PHTF1: variants seen among roughly 807,000 people sequenced by gnomAD.
PHTF1 encodes protein PHTF1.
PHTF1 carries 88 observed loss-of-function variants against 102.4 expected under a neutral mutation model. The ratio of observed to expected loss-of-function variants is 0.86; its 90% CI spans 0.72 to 1.03. PHTF1 has a LOEUF of 1.03. Ranked by LOEUF, PHTF1 falls within the 50% of genes least tolerant of loss-of-function variation. The probability of loss-of-function intolerance (pLI) is 0.00; values close to 1 mark genes in which losing one functional copy is unlikely to be tolerated. For synonymous variants in PHTF1, 289 were observed against 305.2 expected, an observed-to-expected ratio of 0.95 and a Z score of 0.55; for missense variants, 814 against 909.5, an observed-to-expected ratio of 0.89 and a Z score of 1.35.
intron 11 of PHTF1, among the ~76,000 whole-genome samples, chr1:113,710,051 G>C (rs2101152113): frequency 6.6e-6 from 1 of 152,194 alleles, no homozygotes; most frequent in East Asian, 1.9e-4. Context: ...ATTTAGGTTA[G>C]GGCAACTCTA....
At chr1:113,731,047 A>C (rs570555735) in intron 5 of PHTF1, among the ~76,000 whole-genome samples, 30 of 152,290 alleles carry the variant, frequency 2.0e-4, no homozygotes, top group South Asian at 4.1e-4. Context: ...ATGGAGTTTC[A>C]GTTTGGGAAG....
chr1:113,741,315 T>A (rs2101622255), intron 3 of PHTF1, among the ~76,000 whole-genome samples: 1 of 152,200 alleles, frequency 6.6e-6, no homozygotes, highest in South Asian at 2.1e-4. Flanking sequence ...AAAGAAGGAA[T>A]CAAAATTTGA....
chr1:113,718,510 G>A (rs1245465372), intron 7 of PHTF1, among the ~76,000 whole-genome samples: 2 of 152,180 alleles, frequency 1.3e-5, no homozygotes, highest in Admixed American at 6.5e-5. Context: ...TGGGGGCTCC[G>A]ACCCCACCTT....
intron 5 of PHTF1, among the ~76,000 whole-genome samples, chr1:113,734,105 C>T (rs550320978): frequency 6.6e-6 from 1 of 152,080 alleles, no homozygotes; most frequent in African/African-American, 2.4e-5. Context: ...ACTAAAAACA[C>T]AAAAATTAGT....
intron 3 of PHTF1, among the ~76,000 whole-genome samples, chr1:113,740,850 C>T (rs1571220647): frequency 6.6e-6 from 1 of 151,948 alleles, no homozygotes; most frequent in African/African-American, 2.4e-5. Flanking sequence ...GGCCAACATG[C>T]TGAAACTCTA....
intron 3 of PHTF1, among the ~76,000 whole-genome samples, chr1:113,742,258 C>T (rs1201534547): frequency 6.6e-6 from 1 of 152,178 alleles, no homozygotes; most frequent in Non-Finnish European, 1.5e-5. Context: ...TATTACTATG[C>T]AGAATATTTA....
At chr1:113,702,195 A>T (rs888133120) in intron 15 of PHTF1, among the ~76,000 whole-genome samples, 3 of 152,200 alleles carry the variant, frequency 2.0e-5, no homozygotes, top group Non-Finnish European at 4.4e-5. Flanking sequence ...GTGATAAATT[A>T]ATCAGTTTAT....
chr1:113,706,838 C>CCTTT (rs1553223598), intron 11 of PHTF1, 116 bp from the exon 12 acceptor site: 20 of 521,010 alleles, frequency 3.8e-5, no homozygotes, highest in African/African-American at 2.9e-4. Context: ...TAATGCTGGT[C>CCTTT]CTTTCTTTCT....
At position 113,734,607 on chromosome 1, in the gene PHTF1, T is replaced by C. The variant is rs376912419; in HGVS notation, c.331+3503A>G. Among the ~76,000 whole-genome samples, 5 of 152,212 alleles carry C rather than the reference T, an allele frequency of 3.3e-5. No homozygotes were observed. In the East Asian group the frequency reaches 5.8e-4, roughly 18 times the overall value. ...GTGCAGCTTGGCTCTTCCTATGTGCTTATAGTAAAATGTGAGAAGAGAGAA... is the reference window on the plus strand; with the variant it reads ...GTGCAGCTTGGCTCTTCCTATGTGCCTATAGTAAAATGTGAGAAGAGAGAA... On this transcript the variant is annotated intron_variant, in intron 5 of 18. Transcript: ENST00000369604.
chr1:113,732,283 G>A (rs1211490243), intron 5 of PHTF1, among the ~76,000 whole-genome samples: 2 of 152,266 alleles, frequency 1.3e-5, no homozygotes, highest in Middle Eastern at 3.4e-3. Context: ...GGATCACGAG[G>A]TCAGGAGTTC....
intron 3 of PHTF1, among the ~76,000 whole-genome samples, chr1:113,754,704 T>A (rs1350235020): frequency 2.6e-5 from 4 of 152,140 alleles, no homozygotes; most frequent in Non-Finnish European, 5.9e-5. Flanking sequence ...TTCCATAGAT[T>A]TTATTATAAT....
intron 3 of PHTF1, among the ~76,000 whole-genome samples, chr1:113,753,789 C>T (rs1571261387): frequency 6.6e-6 from 1 of 151,048 alleles, no homozygotes; most frequent in African/African-American, 2.4e-5. Context: ...ATCCTCTCAC[C>T]TCAGTCTCCT....
chr1:113,746,623 A>C (rs1557968273), intron 3 of PHTF1, among the ~76,000 whole-genome samples: 1 of 152,194 alleles, frequency 6.6e-6, no homozygotes, highest in Non-Finnish European at 1.5e-5. Context: ...TGGTTTTGGC[A>C]CCGGTATAAA....
chr1:113,710,687 G>A (rs548868165), intron 10 of PHTF1, among the ~76,000 whole-genome samples: 1 of 151,462 alleles, frequency 6.6e-6, no homozygotes, highest in Admixed American at 6.6e-5. Context: ...CTGGAGTGCA[G>A]TGGCATGATC....
Position 113,713,319 on chromosome 1 carries a change from C to T in PHTF1, c.743G>A (p.Arg248Lys). 1.2e-6 allele frequency: 2 copies of T among 1,613,858 alleles called. No individual in the cohort carries two copies. Among genetic ancestry groups the T allele is most frequent in the Non-Finnish European group, 8.5e-7 (1 of 1,179,810 alleles). Residue 248 changes from arginine (R) to lysine (K), a missense_variant, in exon 8 of 19, where the codon AGA (arginine) becomes AAA (lysine). Physicochemically the swap from Arg to Lys is conservative, Grantham distance 26 (BLOSUM62 2). Coordinates refer to ENST00000369604, the MANE Select transcript of PHTF1 (RefSeq NM_001323043.2). Reference sequence around the variant, plus strand: ...TCCATCTGAAAATTTTGCTTTCTCTCTTGTTTGCCACATTCTAATCTCTGG... The same window carrying T: ...TCCATCTGAAAATTTTGCTTTCTCTTTTGTTTGCCACATTCTAATCTCTGG... Reference protein sequence around the residue: ...CRPEIRMWQTREKAKFSDGEK... With the variant: ...CRPEIRMWQTKEKAKFSDGEK...
chr1:113,714,706 T>C (rs1300966239), intron 7 of PHTF1: 1 of 152,226 alleles, frequency 6.6e-6, no homozygotes, highest in Non-Finnish European at 1.5e-5. Flanking sequence ...CTGGCTGCCC[T>C]AAAAGGAAGG....
chr1:113,747,873 C>CG (rs1054154906), intron 3 of PHTF1, among the ~76,000 whole-genome samples: 1 of 152,132 alleles, frequency 6.6e-6, no homozygotes, highest in African/African-American at 2.4e-5. Context: ...CTACATGATC[C>CG]GTTTTGATCC....
intron 7 of PHTF1, among the ~76,000 whole-genome samples, chr1:113,723,332 C>T (rs1017285153): frequency 1.3e-5 from 2 of 152,116 alleles, no homozygotes; most frequent in Non-Finnish European, 2.9e-5. Flanking sequence ...TGCCCACCAC[C>T]ACGCCCGGAT....
intron 3 of PHTF1, among the ~76,000 whole-genome samples, chr1:113,741,230 T>C (rs911417489): frequency 6.6e-6 from 1 of 152,168 alleles, no homozygotes; most frequent in African/African-American, 2.4e-5. Context: ...GTGAATCTTA[T>C]ATATTTCTAT....
Sources: gnomAD v4.1 joint callset for allele counts (sites outside exome capture counted in the v4.1 genomes callset) on GRCh38, gnomAD v4.1.1 for gene constraint, MANE v1.5 for transcripts, NCBI Gene and HGNC (gene_info 2026-07-23, HGNC 2026-07-21) for gene names.